CPB2: variants seen among roughly 807,000 people sequenced by gnomAD.
CPB2 encodes the protein carboxypeptidase B-like protein.
Under a neutral mutation model 57.0 loss-of-function variants are expected in CPB2, and 54 were observed. The observed-to-expected ratio is 0.95, with a 90% CI of 0.76 to 1.19. CPB2 has a LOEUF of 1.19. Among genes scored for constraint, CPB2 ranks in the 50% most tolerant of loss-of-function variants. The pLI is 0.00. For synonymous variants in CPB2, 189 were observed against 178.1 expected (o/e 1.06, Z -0.49); for missense variants, 426 against 512.0 (o/e 0.83, Z 1.62).
At chr13:46,104,882 A>C (rs2045474903) in intron 1 of CPB2, 54 bp downstream of exon 1, 1 of 1,606,144 alleles carries the variant, frequency 6.2e-7, no homozygotes, top group African/African-American at 1.3e-5. Context: ...ACACGACATG[A>C]GGCAAACAAG....
rs186338923 is a variant in CPB2 at position 46,058,089 on chromosome 13, G to A, written c.999+90C>T. 3,018 of 1,208,500 alleles carry A rather than the reference G, an allele frequency of 2.5e-3. 15 individuals carry two copies. The highest frequency in any genetic ancestry group is 2.8e-3 in the Non-Finnish European group (2,352 of 843,040). The allele number at this position is 1,208,500 out of a possible 1,614,324, so 74.9% of individuals were successfully genotyped here. A position where few individuals can be genotyped will look rare whatever the true frequency, so the allele number is the denominator to read the frequency against. On this transcript the variant is annotated intron_variant, in intron 9 of 10. Transcript: ENST00000181383. ...AAACATCTATCATTTGCCTTCTAGAGGACAAAATTTTTCCCAGTTTTTGAT... is the reference window on the plus strand; with the variant it reads ...AAACATCTATCATTTGCCTTCTAGAAGACAAAATTTTTCCCAGTTTTTGAT...
intron 8 of CPB2, among the ~76,000 whole-genome samples, chr13:46,061,607 A>T (rs192818336): frequency 8.1e-4 from 124 of 152,336 alleles, no homozygotes; most frequent in Admixed American, 2.0e-3. Flanking sequence ...CAAGCCAATG[A>T]GAGAATCCTC....
chr13:46,065,132 A>G (rs892762477), intron 7 of CPB2, among the ~76,000 whole-genome samples: 2 of 152,206 alleles, frequency 1.3e-5, no homozygotes, highest in African/African-American at 4.8e-5. Context: ...TTTGTGTCTC[A>G]ACTGAACGCT....
At chr13:46,053,895 C>A in intron 10 of CPB2, 97 bp from the exon 11 acceptor site, 1 of 1,231,672 alleles carries the variant, frequency 8.1e-7, no homozygotes, top group East Asian at 2.5e-5. Flanking sequence ...GTTTGTATAC[C>A]TTTAGATTTT....
At chr13:46,088,595 T>A (rs1057155597) in intron 1 of CPB2, among the ~76,000 whole-genome samples, 270 of 152,320 alleles carry the variant, frequency 1.8e-3, no homozygotes, top group Non-Finnish European at 3.2e-3. Flanking sequence ...GTCCTCAAGT[T>A]TTTTGTATCA....
chr13:46,071,982 T>A (rs1400495259), intron 6 of CPB2, among the ~76,000 whole-genome samples: 1 of 152,206 alleles, frequency 6.6e-6, no homozygotes, highest in East Asian at 1.9e-4. Context: ...TGGCAAGTTG[T>A]GATGGTTAAC....
intron 7 of CPB2, among the ~76,000 whole-genome samples, chr13:46,066,810 A>C (rs1416629025): frequency 6.8e-6 from 1 of 146,788 alleles, no homozygotes; most frequent in East Asian, 2.0e-4. Flanking sequence ...GTGCCACTGC[A>C]CTCCAGCCTG....
intron 9 of CPB2, among the ~76,000 whole-genome samples, chr13:46,057,153 CAA>C (rs35024155): frequency 8.3e-5 from 11 of 132,596 alleles, no homozygotes; most frequent in Admixed American, 1.5e-4. Flanking sequence ...GGCAGTGATG[CAA>C]AAAAAAAAAA....
At chr13:46,081,892 TAGA>T (rs754756927) in intron 4 of CPB2, among the ~76,000 whole-genome samples, 4 of 152,208 alleles carry the variant, frequency 2.6e-5, no homozygotes, top group Non-Finnish European at 4.4e-5. Context: ...AAGTTCTCTC[TAGA>T]AGGAGTGGAA....
chr13:46,078,946 A>G (rs1168308678), intron 4 of CPB2, 45 bp from the exon 5 acceptor site: 1 of 1,236,636 alleles, frequency 8.1e-7, no homozygotes, highest in South Asian at 1.2e-5. Context: ...CCAAGTTCAA[A>G]GCATTTCCCT....
chr13:46,059,743 T>C (rs956327751), intron 8 of CPB2, among the ~76,000 whole-genome samples: 2 of 152,204 alleles, frequency 1.3e-5, no homozygotes, highest in Non-Finnish European at 2.9e-5. Context: ...TCCAGCTGCA[T>C]CTCTGCCTCA....
At chr13:46,079,428 A>G (rs2045072556) in intron 4 of CPB2, among the ~76,000 whole-genome samples, 1 of 152,004 alleles carries the variant, frequency 6.6e-6, no homozygotes, top group Non-Finnish European at 1.5e-5. Flanking sequence ...GGAAAAACAA[A>G]CAAACTCAAT....
intron 7 of CPB2, among the ~76,000 whole-genome samples, 164 bp downstream of exon 7, chr13:46,067,143 A>G (rs1593889704): frequency 6.6e-6 from 1 of 151,904 alleles, no homozygotes; most frequent in East Asian, 1.9e-4. Flanking sequence ...TTACTACACA[A>G]TTATGTGCAC....
At position 46,087,816 on chromosome 13, in the gene CPB2, G is replaced by A. The variant is rs2045233321; in HGVS notation, c.79C>T (p.Gln27Ter). Residue 27 changes from glutamine (Q) to a stop codon, truncating the protein, a stop_gained, in exon 2 of 11, where the codon CAA becomes TAA. Transcript: ENST00000181383. LOFTEE classifies it high-confidence loss of function. Reference sequence around the variant, plus strand: ...GTTCTAGGAAGAGCAGCTAGAACTTGGCCACTGGGGAAAAAAATAAAAGAG... The same window carrying A: ...GTTCTAGGAAGAGCAGCTAGAACTTAGCCACTGGGGAAAAAAATAAAAGAG... ...EQHVFAFQSGQVLAALPRTSR... is the reference protein window; with the variant it reads ...EQHVFAFQSG 1 of 1,604,240 alleles carries A rather than the reference G, an allele frequency of 6.2e-7. No individual in the cohort carries two copies. The highest frequency in any genetic ancestry group is 1.7e-5 in the Admixed American group (1 of 58,606).
At chr13:46,093,768 G>T (rs1034094377) in intron 1 of CPB2, among the ~76,000 whole-genome samples, 1 of 152,132 alleles carries the variant, frequency 6.6e-6, no homozygotes, top group Non-Finnish European at 1.5e-5. Context: ...TGGGTAAGTG[G>T]CAGGGGAAGA....
chr13:46,070,398 G>A (rs1243650083), intron 6 of CPB2, among the ~76,000 whole-genome samples: 1 of 152,180 alleles, frequency 6.6e-6, no homozygotes, highest in Non-Finnish European at 1.5e-5. Flanking sequence ...AAAAGAAGAT[G>A]AGAATAGAGG....
rs113726024 is a variant in CPB2, at chr13:46,087,947, G to A, written c.75-127C>T. 3.1e-3 allele frequency: 1,920 copies of A among 611,442 alleles called. 25 individuals carry two copies. The African/African-American group carries it at 0.032, about 10-fold the overall frequency. 37.9% of individuals were successfully genotyped at this position (611,442 alleles called of 1,614,324 possible). A position where few individuals can be genotyped will look rare whatever the true frequency, so the allele number is the denominator to read the frequency against. On this transcript the variant is annotated intron_variant, in intron 1 of 10. Coordinates refer to ENST00000181383, the MANE Select transcript of CPB2 (RefSeq NM_001872.5). ...AATTTAAAATGTTATTAGGACAGAG[G>A]ATCTTACTACAGATTCAGTGTAATA... is the stretch of plus-strand genomic sequence containing the variant.
intron 2 of CPB2, among the ~76,000 whole-genome samples, chr13:46,086,656 G>C (rs373626230): frequency 3.9e-5 from 6 of 152,240 alleles, no homozygotes; most frequent in East Asian, 1.9e-4. Flanking sequence ...AGCCTTCCTG[G>C]GCTTGAAGGT....
At chr13:46,084,931 A>G (rs978213609) in intron 2 of CPB2, among the ~76,000 whole-genome samples, 1 of 151,492 alleles carries the variant, frequency 6.6e-6, no homozygotes, top group Non-Finnish European at 1.5e-5. Flanking sequence ...GCTCACTGCA[A>G]GCTCTGCCTC....
Sources: gnomAD v4.1 joint callset for allele counts (sites outside exome capture counted in the v4.1 genomes callset) on GRCh38, gnomAD v4.1.1 for gene constraint, MANE v1.5 for transcripts, NCBI Gene and HGNC (gene_info 2026-07-23, HGNC 2026-07-21) for gene names.